CMSS1: variants seen among roughly 807,000 people sequenced by gnomAD.
CMSS1 encodes the protein cms1 ribosomal small subunit homolog, also known as protein CMSS1.
In CMSS1, 33 loss-of-function variants were observed where a neutral mutation model predicts 43.5. The observed-to-expected ratio is 0.76, with a 90% CI of 0.57 to 1.01. CMSS1 has a LOEUF of 1.01. CMSS1 is among the 50% of genes least tolerant of loss of function. The probability of loss-of-function intolerance (pLI) is 0.00; values close to 1 mark genes in which losing one functional copy is unlikely to be tolerated. For synonymous variants in CMSS1, 115 were observed against 117.2 expected (o/e 0.98, Z 0.12); for missense variants, 313 against 326.4 (o/e 0.96, Z 0.32).
intron 6 of CMSS1, among the ~76,000 whole-genome samples, chr3:100,170,231 T>C (rs563587932): frequency 1.3e-5 from 2 of 152,348 alleles, no homozygotes; most frequent in East Asian, 3.9e-4. Context: ...CAAACTCATA[T>C]GTTTTTACAG....
At chr3:99,909,144 T>G (rs531653691) in intron 1 of CMSS1, among the ~76,000 whole-genome samples, 38 of 152,282 alleles carry the variant, frequency 2.5e-4, no homozygotes, top group Middle Eastern at 6.8e-3. Flanking sequence ...AGTGTCATAA[T>G]TTAGGAGCTT....
chr3:100,117,871 A>ATG (rs2066588814), intron 1 of CMSS1, among the ~76,000 whole-genome samples: 1 of 142,084 alleles, frequency 7.0e-6, no homozygotes, highest in African/African-American at 2.6e-5. Flanking sequence ...ATATATATAT[A>ATG]TATATATACA....
chr3:100,025,738 G>A (rs2107244026), intron 1 of CMSS1, among the ~76,000 whole-genome samples: 1 of 152,250 alleles, frequency 6.6e-6, no homozygotes, highest in East Asian at 1.9e-4. Flanking sequence ...TCATGTAAGT[G>A]AAGCTAAATA....
At chr3:99,946,992 C>CG (rs1351621777) in intron 1 of CMSS1, among the ~76,000 whole-genome samples, 1 of 151,924 alleles carries the variant, frequency 6.6e-6, no homozygotes, top group Non-Finnish European at 1.5e-5. Flanking sequence ...CAAAAATTAG[C>CG]GGGGCGTGGT....
rs767721300 is a variant in CMSS1 at position 99,924,333 on chromosome 3, G to T, written c.64+106290G>T. On this transcript the variant is annotated intron_variant, in intron 1 of 9. Transcript: ENST00000421999. The stretch of plus-strand genomic sequence containing the variant: ...TCCAACTCCAATATGGTTTGCCTAC[G>T]GGATTTTTCTGCCACTAAAAGCTGT... 86 of 1,613,772 alleles carry T rather than the reference G, an allele frequency of 5.3e-5. No homozygotes were observed. Among genetic ancestry groups the T allele is most frequent in the Non-Finnish European group, 7.1e-5 (84 of 1,179,882 alleles).
chr3:100,048,987 A>G (rs1223307147), intron 1 of CMSS1, among the ~76,000 whole-genome samples: 1 of 152,226 alleles, frequency 6.6e-6, no homozygotes, highest in African/African-American at 2.4e-5. Flanking sequence ...TTTCAAACCT[A>G]ATGGATTACA....
chr3:100,013,214 GTGTTGTTGTTGTTGTTGT>G (rs35047568), intron 1 of CMSS1, among the ~76,000 whole-genome samples: 32 of 145,414 alleles, frequency 2.2e-4, no homozygotes, highest in Admixed American at 1.4e-3. Flanking sequence ...GGCCAGTGAG[GTGTTGTTGTTGTTGTTGT>G]TGTTGTTGTT....
intron 1 of CMSS1, among the ~76,000 whole-genome samples, chr3:100,019,555 G>A (rs35669249): frequency 0.051 from 7,777 of 152,050 alleles, 296 homozygotes; most frequent in Non-Finnish European, 0.071. Flanking sequence ...AAGTAAATAC[G>A]TAAAATTGTT....
intron 1 of CMSS1, among the ~76,000 whole-genome samples, chr3:99,893,589 G>T (rs1340268747): frequency 6.6e-6 from 1 of 152,084 alleles, no homozygotes; most frequent in Non-Finnish European, 1.5e-5. Context: ...AGGTTTTATG[G>T]ATCTTTTTAC....
At chr3:100,037,996 C>A (rs1452145277) in intron 1 of CMSS1, among the ~76,000 whole-genome samples, 2 of 148,940 alleles carry the variant, frequency 1.3e-5, no homozygotes, top group African/African-American at 5.0e-5. Context: ...CGCTCTGTCG[C>A]CCAGGTGGAG....
chr3:99,848,355 G>A lies in CMSS1; in HGVS notation c.64+30312G>A, dbSNP rs556347627. ...TTGGTGTGATAGTAATACTGCTGGTGACTTTATTGGTTGTTTTGTTTAGTG... is the reference window on the plus strand; with the variant it reads ...TTGGTGTGATAGTAATACTGCTGGTAACTTTATTGGTTGTTTTGTTTAGTG... On this transcript the variant is annotated intron_variant, in intron 1 of 9. Transcript: ENST00000421999. 7.4e-6 allele frequency: 12 copies of A among 1,614,162 alleles called. No individual in the cohort carries two copies. In the African/African-American group the frequency reaches 1.5e-4, roughly 20 times the overall value.
At chr3:99,887,400 C>T (rs1290961832) in intron 1 of CMSS1, among the ~76,000 whole-genome samples, 1 of 152,204 alleles carries the variant, frequency 6.6e-6, no homozygotes, top group Non-Finnish European at 1.5e-5. Flanking sequence ...CCTGGATTTA[C>T]TATAGTCATT....
rs755041519 is a variant in CMSS1 at position 100,087,832 on chromosome 3, C to CTTT, written c.65-59121_65-59119dup. On this transcript the variant is annotated intron_variant, in intron 1 of 9. Coordinates refer to ENST00000421999, the MANE Select transcript of CMSS1 (RefSeq NM_032359.4). ...CAAAGATTTTCTCCTATTGTTTCAA[C>CTTT]TTTTTTTTTTTTTTTTTTTTTTGAG... 7.6e-3 allele frequency among the ~76,000 whole-genome samples: 870 copies of CTTT among 114,084 alleles called. 11 individuals are homozygous for CTTT. Among genetic ancestry groups the CTTT allele is most frequent in the African/African-American group, 0.012 (378 of 31,180 alleles). 74.8% of individuals were successfully genotyped at this position (114,084 alleles called of 152,430 possible). A position where few individuals can be genotyped will look rare whatever the true frequency, so the allele number is the denominator to read the frequency against.
intron 1 of CMSS1, among the ~76,000 whole-genome samples, chr3:100,077,553 G>T (rs1040645220): frequency 6.6e-6 from 1 of 152,144 alleles, no homozygotes; most frequent in African/African-American, 2.4e-5. Flanking sequence ...CCAGGTAGAG[G>T]AATTGCAAGA....
At chr3:99,986,926 G>T (rs532529148) in intron 1 of CMSS1, among the ~76,000 whole-genome samples, 1 of 152,254 alleles carries the variant, frequency 6.6e-6, no homozygotes, top group Admixed American at 6.5e-5. Flanking sequence ...CATATTAGGA[G>T]AGTATACAAA....
At chr3:100,066,362 G>C (rs9815439) in intron 1 of CMSS1, among the ~76,000 whole-genome samples, 32,104 of 152,006 alleles carry the variant, frequency 0.21, 3,525 homozygotes, top group South Asian at 0.26. Context: ...CCAGGGGTCT[G>C]ATTTGCAAAG....
chr3:100,147,913 G>A (rs1288785843), intron 2 of CMSS1, among the ~76,000 whole-genome samples: 4 of 152,060 alleles, frequency 2.6e-5, no homozygotes, highest in Non-Finnish European at 5.9e-5. Flanking sequence ...TCTTCCTACT[G>A]ACTTTAGAAA....
intron 1 of CMSS1, among the ~76,000 whole-genome samples, chr3:99,919,487 C>CATT (rs1446754485): frequency 6.6e-6 from 1 of 150,750 alleles, no homozygotes; most frequent in East Asian, 1.9e-4. Context: ...TGTTTTGTTT[C>CATT]AGTTAATGAA....
intron 1 of CMSS1, among the ~76,000 whole-genome samples, chr3:100,037,758 A>G (rs1213851855): frequency 6.6e-6 from 1 of 152,150 alleles, no homozygotes; most frequent in Non-Finnish European, 1.5e-5. Flanking sequence ...AAAGCTGTGT[A>G]TAAGTGAATG....
Sources: gnomAD v4.1 joint callset for allele counts (sites outside exome capture counted in the v4.1 genomes callset) on GRCh38, gnomAD v4.1.1 for gene constraint, MANE v1.5 for transcripts, NCBI Gene and HGNC (gene_info 2026-07-23, HGNC 2026-07-21) for gene names.